TDRD1: variants seen among roughly 807,000 people sequenced by gnomAD.
TDRD1 encodes the protein tudor domain-containing protein 1.
Under a neutral mutation model 140.6 loss-of-function variants are expected in TDRD1, and 37 were observed. The observed-to-expected ratio is 0.26, with a 90% CI of 0.20 to 0.35. TDRD1 has a LOEUF of 0.35. Among genes scored for constraint, TDRD1 ranks in the 10% least tolerant of loss-of-function variants. The pLI is 1.00. For synonymous variants in TDRD1, 506 were observed against 475.7 expected (o/e 1.06, Z -0.83); for missense variants, 1,243 against 1,393.0 (o/e 0.89, Z 1.71).
At chr10:114,219,856 T>G (rs1000074085) in intron 18 of TDRD1, among the ~76,000 whole-genome samples, 6 of 152,204 alleles carry the variant, frequency 3.9e-5, no homozygotes, top group Non-Finnish European at 7.3e-5. Context: ...CCTCCCAAAG[T>G]GCTGGGATTA....
At chr10:114,197,959 G>A (rs889266005) in intron 3 of TDRD1, among the ~76,000 whole-genome samples, 2 of 152,110 alleles carry the variant, frequency 1.3e-5, no homozygotes, top group African/African-American at 2.4e-5. Context: ...CCCAGTCTCT[G>A]TATCGTATTT....
chr10:114,203,028 A>T (rs2034863337), intron 6 of TDRD1, 44 bp from the exon 7 acceptor site: 1 of 1,304,742 alleles, frequency 7.7e-7, no homozygotes, highest in Non-Finnish European at 1.1e-6. Context: ...TCATTGAAAC[A>T]TGTGCTTTTA....
At chr10:114,222,493 GT>G in intron 20 of TDRD1, 93 bp from the exon 21 acceptor site, 2 of 601,236 alleles carry the variant, frequency 3.3e-6, no homozygotes, top group Non-Finnish European at 2.9e-6. Flanking sequence ...TACACAAAGG[GT>G]TTTTGGATTG....
At chr10:114,205,633 C>T (rs576437898) in intron 10 of TDRD1, among the ~76,000 whole-genome samples, 2 of 152,188 alleles carry the variant, frequency 1.3e-5, no homozygotes, top group South Asian at 2.1e-4. Flanking sequence ...ACAAATCTTT[C>T]GTGTTCTTCA....
At chr10:114,211,766 G>GA in intron 13 of TDRD1, 100 bp from the exon 14 acceptor site, 1 of 1,246,306 alleles carries the variant, frequency 8.0e-7, no homozygotes, top group Non-Finnish European at 1.1e-6. Flanking sequence ...ATCTATTAAA[G>GA]AAAAATCTAT....
intron 1 of TDRD1, among the ~76,000 whole-genome samples, chr10:114,184,414 C>G (rs2033354722): frequency 6.6e-6 from 1 of 152,232 alleles, no homozygotes. Context: ...TCACCATCCT[C>G]AGGCTGTGCT....
chr10:114,227,360 T>TTATCTGTTA (rs2036496578), intron 23 of TDRD1, 61 bp downstream of exon 23: 1 of 1,196,102 alleles, frequency 8.4e-7, no homozygotes, highest in South Asian at 1.3e-5. Flanking sequence ...AGATAATCAA[T>TTATCTGTTA]TTAGTTGACT....
At chr10:114,178,637 A>C (rs1240821802), upstream of TDRD1, among the ~76,000 whole-genome samples, 1 of 152,202 alleles carries the variant, frequency 6.6e-6, no homozygotes, top group Non-Finnish European at 1.5e-5. Flanking sequence ...GCTGACAAAC[A>C]CAGTGAACAA....
intron 25 of TDRD1, chr10:114,228,473 G>C (rs2133221130): frequency 9.6e-7 from 1 of 1,038,846 alleles, no homozygotes; most frequent in Middle Eastern, 4.8e-4. Context: ...GTCTAGATCT[G>C]AAATTAACTC....
chr10:114,203,939 A>T, intron 8 of TDRD1, 134 bp from the exon 9 acceptor site: 2 of 1,032,030 alleles, frequency 1.9e-6, no homozygotes, highest in Non-Finnish European at 1.4e-6. Flanking sequence ...TTAAAAAATT[A>T]AGTTGGCTTA....
intron 14 of TDRD1, 143 bp downstream of exon 14, chr10:114,212,179 C>T (rs1482567393): frequency 9.8e-6 from 7 of 711,482 alleles, no homozygotes; most frequent in Non-Finnish European, 1.5e-5. Context: ...GTCATTTATC[C>T]CAAAGAAATC....
chr10:114,178,017 AT>A (rs2032754277), upstream of TDRD1, among the ~76,000 whole-genome samples: 2 of 150,150 alleles, frequency 1.3e-5, no homozygotes, highest in African/African-American at 2.5e-5. Flanking sequence ...TTATTTTTTT[AT>A]TTTAAGTAGA....
intron 9 of TDRD1, 131 bp downstream of exon 9, chr10:114,204,347 A>T: frequency 9.9e-7 from 1 of 1,006,850 alleles, no homozygotes. Context: ...ATAAACACTC[A>T]TGGGCTATCT....
At chr10:114,202,876 G>A (rs1162920595) in intron 6 of TDRD1, among the ~76,000 whole-genome samples, 196 bp from the exon 7 acceptor site, 1 of 152,112 alleles carries the variant, frequency 6.6e-6, no homozygotes, top group Non-Finnish European at 1.5e-5. Context: ...TTATTCTTGG[G>A]TTATTCCCAG....
Position 114,202,313 on chromosome 10 carries a change from G to T in TDRD1, c.696+15G>T. ...TAAACAATAAGGTATGGTATACTTT[G>T]TCTTTAAATTTTGAATAACTCCTCT... On this transcript the variant is annotated intron_variant, in intron 6 of 25. Transcript: ENST00000251864. 6.5e-7 allele frequency: 1 copy of T among 1,545,548 alleles called. No homozygotes were observed. The highest frequency in any genetic ancestry group is 8.8e-7 in the Non-Finnish European group (1 of 1,137,792).
At chr10:114,211,736 CATT>C in intron 13 of TDRD1, 127 bp from the exon 14 acceptor site, 1 of 896,366 alleles carries the variant, frequency 1.1e-6, no homozygotes, top group African/African-American at 1.8e-5. Context: ...AATTAGTAAA[CATT>C]GTTCTATAAG....
At position 114,220,676 on chromosome 10, in the gene TDRD1, G is replaced by T; in HGVS notation, c.2603G>T (p.Gly868Val). 6.2e-7 allele frequency: 1 copy of T among 1,611,624 alleles called. No individual in the cohort carries two copies. Among genetic ancestry groups the T allele is most frequent in the Non-Finnish European group, 8.5e-7 (1 of 1,178,960 alleles). ...AGAGTGGTTGAAGTCACTGAAAATGGGATAGGAGTTGAACTCACCGATCTC... is the reference window on the plus strand; with the variant it reads ...AGAGTGGTTGAAGTCACTGAAAATGTGATAGGAGTTGAACTCACCGATCTC... The change falls in exon 19 of 26, where the codon GGG (glycine) becomes GTG (valine). Residue 868 changes from glycine to valine, a missense_variant. Around this residue, in one of 5 missense-constraint regions of TDRD1, gnomAD observed 601 missense variants for 734.7 expected, o/e 0.82. Transcript: ENST00000251864.
At chr10:114,226,306 G>A (rs12265237) in intron 22 of TDRD1, 90 bp downstream of exon 22, 180,062 of 794,466 alleles carry the variant, frequency 0.23, 21,895 homozygotes, top group African/African-American at 0.33. Flanking sequence ...AATCAAATGG[G>A]TATTTCCAGT....
chr10:114,221,463 A>C, exon 20 of TDRD1: 2 of 1,612,670 alleles, frequency 1.2e-6, no homozygotes, highest in Non-Finnish European at 1.7e-6. Context: ...ATGCTCTACC[A>C]AAAGGGATGC....
Sources: allele counts gnomAD v4.1 joint callset (sites outside exome capture counted in the v4.1 genomes callset), GRCh38; gene constraint gnomAD v4.1.1; regional missense constraint gnomAD v4.1.1; transcripts MANE v1.5; gene names NCBI Gene and HGNC (gene_info 2026-07-23, HGNC 2026-07-21).